Variants in GALNT18 observed in about 807,000 individuals in gnomAD.
GALNT18 encodes GalNAc-transferase 18.
A neutral mutation model predicts 69.5 loss-of-function variants in GALNT18; 44 were observed. The observed-to-expected ratio is 0.63, with a 90% CI of 0.50 to 0.81. The LOEUF (loss-of-function observed/expected upper bound fraction) is 0.81, where lower values mean the gene tolerates loss of function less well. Among genes scored for constraint, GALNT18 ranks in the 40% least tolerant of loss-of-function variants. The probability of loss-of-function intolerance (pLI) is 0.00; values close to 1 mark genes in which losing one functional copy is unlikely to be tolerated. For synonymous variants in GALNT18, 364 were observed against 318.2 expected (o/e 1.14, Z -1.53); for missense variants, 715 against 810.0 (o/e 0.88, Z 1.42).
At chr11:11,502,508 A>G (rs1411626754) in intron 1 of GALNT18, among the ~76,000 whole-genome samples, 1 of 152,252 alleles carries the variant, frequency 6.6e-6, no homozygotes, top group East Asian at 1.9e-4. Flanking sequence ...AGAGAAGGAA[A>G]GTCATTTACA....
chr11:11,320,670 T>C lies in GALNT18; in HGVS notation c.1512+6416A>G, dbSNP rs1011109414. ...GGCTGGAAGATGACTTTGGGAAGCC[T>C]TGCCAGACAGCAGCCCCTTACCTTT... On this transcript the variant is annotated intron_variant, in intron 9 of 10. Transcript: ENST00000227756. The surrounding 1 kb of genome is among the most constrained non-coding windows in gnomAD (Gnocchi z 4.9). Among the ~76,000 whole-genome samples the C allele has an allele frequency of 3.3e-5, 5 of 152,168 alleles. No individual in the cohort carries two copies. The highest frequency in any genetic ancestry group is 2.6e-4 in the Admixed American group (4 of 15,276).
chr11:11,530,997 C>T (rs181221374), intron 1 of GALNT18, among the ~76,000 whole-genome samples: 23 of 152,326 alleles, frequency 1.5e-4, no homozygotes, highest in South Asian at 4.1e-4. Context: ...AACACTGTGA[C>T]GCCATGCCTT....
At chr11:11,567,612 C>T (rs943238057) in intron 1 of GALNT18, among the ~76,000 whole-genome samples, 2 of 152,152 alleles carry the variant, frequency 1.3e-5, no homozygotes, top group Non-Finnish European at 2.9e-5. Context: ...GGCCCCAAAC[C>T]CAGCCAGCCC....
chr11:11,354,758 C>G (rs1341876424), intron 6 of GALNT18, among the ~76,000 whole-genome samples: 1 of 152,138 alleles, frequency 6.6e-6, no homozygotes, highest in African/African-American at 2.4e-5. Context: ...CAAGTGCCTA[C>G]GTCTCACCTT....
chr11:11,577,288 G>A (rs4910387), intron 1 of GALNT18, among the ~76,000 whole-genome samples: 19,635 of 152,078 alleles, frequency 0.13, 1,338 homozygotes, highest in South Asian at 0.18. Context: ...GCAGATGAGC[G>A]GAGACGACCA....
rs999950721 is a variant in GALNT18, at chr11:11,600,596, T to C, written c.235+20763A>G. ...TTTTCTCTCTCTTTAGCTTTCAAAA[T>C]TTCAACTATGATGTGTCTGGATGTG... On this transcript the variant is annotated intron_variant, in intron 1 of 10. Transcript: ENST00000227756. This position sits in a 1 kb window ranked among gnomAD's most constrained non-coding sequence, Gnocchi z 4.8. 7.2e-5 allele frequency among the ~76,000 whole-genome samples: 11 copies of C among 152,126 alleles called. No homozygotes were observed. The highest frequency in any genetic ancestry group is 5.2e-4 in the Admixed American group (8 of 15,284).
At position 11,582,157 on chromosome 11, in the gene GALNT18, G is replaced by A. The variant is rs1859102896; in HGVS notation, c.235+39202C>T. Among the ~76,000 whole-genome samples the A allele has an allele frequency of 1.3e-5, 2 of 152,162 alleles. No individual in the cohort carries two copies. Among genetic ancestry groups the A allele is most frequent in the East Asian group, 3.9e-4 (2 of 5,186 alleles). On this transcript the variant is annotated intron_variant, in intron 1 of 10. Transcript: ENST00000227756. The surrounding 1 kb of genome is among the most constrained non-coding windows in gnomAD (Gnocchi z 5.0). Reference sequence around the variant, plus strand: ...TATGGGGAAGAGGGCTGAACAAAGTGAAGAGGGCATTCCCGAAAGAGGAAA... The same window carrying A: ...TATGGGGAAGAGGGCTGAACAAAGTAAAGAGGGCATTCCCGAAAGAGGAAA...
At position 11,621,420 on chromosome 11, in the gene GALNT18, G is replaced by C; in HGVS notation, c.174C>G (p.Asp58Glu). 6.2e-7 allele frequency: 1 copy of C among 1,614,120 alleles called. No homozygotes were observed. The highest frequency in any genetic ancestry group is 8.5e-7 in the Non-Finnish European group (1 of 1,180,026). The change falls in exon 1 of 11, where the codon GAC (aspartate) becomes GAG (glutamate). Residue 58 changes from aspartate (D) to glutamate (E), a missense_variant. Coordinates refer to ENST00000227756, the MANE Select transcript of GALNT18 (RefSeq NM_198516.3). This position sits in a 1 kb window ranked among gnomAD's most constrained non-coding sequence, Gnocchi z 9.3. Reference sequence around the variant, plus strand: ...CCAGCCGCTCAATAATCTTCAGAGTGTCCCCTTTGTCTTCCTCCAGCTTCT... The same window carrying C: ...CCAGCCGCTCAATAATCTTCAGAGTCTCCCCTTTGTCTTCCTCCAGCTTCT... Reference protein sequence around the residue: ...PDKKLEEDKGDTLKIIERLDH... With the variant: ...PDKKLEEDKGETLKIIERLDH...
At chr11:11,434,400 A>C (rs1855351392) in intron 2 of GALNT18, among the ~76,000 whole-genome samples, 1 of 152,206 alleles carries the variant, frequency 6.6e-6, no homozygotes, top group African/African-American at 2.4e-5. Context: ...TGCTACAGGC[A>C]CTGAGGGTAC....
In GALNT18 at chr11:11,480,379, T is replaced by C. The variant is rs979634672; in HGVS notation, c.236-31443A>G. 3.3e-5 allele frequency among the ~76,000 whole-genome samples: 5 copies of C among 152,184 alleles called. No homozygotes were observed. Among genetic ancestry groups the C allele is most frequent in the Non-Finnish European group, 5.9e-5 (4 of 68,036 alleles). On this transcript the variant is annotated intron_variant, in intron 1 of 10. Coordinates refer to ENST00000227756, the MANE Select transcript of GALNT18 (RefSeq NM_198516.3). This position sits in a 1 kb window ranked among gnomAD's most constrained non-coding sequence, Gnocchi z 4.6. ...TCATTCTGAGTTCTACTCTGTCCCT[T>C]GGATAATGGTGAAATCTATTCATTC...
chr11:11,437,402 G>A, intron 2 of GALNT18, among the ~76,000 whole-genome samples: 1 of 152,180 alleles, frequency 6.6e-6, no homozygotes, highest in Non-Finnish European at 1.5e-5. Context: ...GGTCATGACA[G>A]ACTCCATTCT....
intron 1 of GALNT18, among the ~76,000 whole-genome samples, chr11:11,551,085 CAAAAAA>C (rs36037822): frequency 7.4e-4 from 87 of 117,536 alleles, no homozygotes; most frequent in African/African-American, 2.7e-3. Flanking sequence ...TATACGGTAC[CAAAAAA>C]AAAAAAAAAA....
intron 3 of GALNT18, among the ~76,000 whole-genome samples, chr11:11,409,729 G>T (rs1227715364): frequency 6.6e-6 from 1 of 151,660 alleles, no homozygotes; most frequent in African/African-American, 2.4e-5. Flanking sequence ...TTCTAGCTTT[G>T]TCCCCAAATT....
At chr11:11,280,272 G>A (rs557458252) in intron 10 of GALNT18, among the ~76,000 whole-genome samples, 7 of 152,292 alleles carry the variant, frequency 4.6e-5, no homozygotes, top group Non-Finnish European at 1.0e-4. Context: ...CTCGGCCTCT[G>A]AAAGGGGCCC....
chr11:11,295,201 G>C (rs982043957), intron 9 of GALNT18, among the ~76,000 whole-genome samples: 1 of 152,126 alleles, frequency 6.6e-6, no homozygotes, highest in African/African-American at 2.4e-5. Flanking sequence ...TCTTGGGAGG[G>C]GGTGAAGGGC....
Position 11,339,710 on chromosome 11 carries a change from G to A in GALNT18, c.1278+1109C>T, listed in dbSNP as rs1381818948. On this transcript the variant is annotated intron_variant, in intron 7 of 10. Coordinates refer to ENST00000227756, the MANE Select transcript of GALNT18 (RefSeq NM_198516.3). This position sits in a 1 kb window ranked among gnomAD's most constrained non-coding sequence, Gnocchi z 5.2. Reference sequence around the variant, plus strand: ...TGATATTTCTCCGCTCCTCATTCTTGCTCCCAACTGCTGAAACCTCACTGA... The same window carrying A: ...TGATATTTCTCCGCTCCTCATTCTTACTCCCAACTGCTGAAACCTCACTGA... Among the ~76,000 whole-genome samples, 1 of 152,114 alleles carries A rather than the reference G, an allele frequency of 6.6e-6. No individual in the cohort carries two copies. The highest frequency in any genetic ancestry group is 2.4e-5 in the African/African-American group (1 of 41,418).
chr11:11,547,782 C>A (rs1858095382), intron 1 of GALNT18, among the ~76,000 whole-genome samples: 2 of 152,202 alleles, frequency 1.3e-5, no homozygotes, highest in Admixed American at 6.5e-5. Context: ...CCCTTCCCAG[C>A]CTAAAATTCA....
At position 11,404,558 on chromosome 11, in the gene GALNT18, T is replaced by C. The variant is rs912895681; in HGVS notation, c.596-25294A>G. 1.3e-5 allele frequency among the ~76,000 whole-genome samples: 2 copies of C among 151,882 alleles called. No individual in the cohort carries two copies. Among genetic ancestry groups the C allele is most frequent in the African/African-American group, 4.8e-5 (2 of 41,330 alleles). ...TAAGGAGAGTCACGTGGGAGGAAAA[T>C]GTCTGAGTGTATCTGAACCACGGCT... On this transcript the variant is annotated intron_variant, in intron 3 of 10. Coordinates refer to ENST00000227756, the MANE Select transcript of GALNT18 (RefSeq NM_198516.3). The surrounding 1 kb of genome is among the most constrained non-coding windows in gnomAD (Gnocchi z 4.5).
In GALNT18 at chr11:11,338,290, G is replaced by T. The variant is rs1184548423; in HGVS notation, c.1278+2529C>A. On this transcript the variant is annotated intron_variant, in intron 7 of 10. Transcript: ENST00000227756. This position sits in a 1 kb window ranked among gnomAD's most constrained non-coding sequence, Gnocchi z 5.3. Reference sequence around the variant, plus strand: ...GCCTCATTTAAAGATTTTAAGCAGGGCGATGGCATGGTTGTTGTGAGTGTT... The same window carrying T: ...GCCTCATTTAAAGATTTTAAGCAGGTCGATGGCATGGTTGTTGTGAGTGTT... Among the ~76,000 whole-genome samples the T allele has an allele frequency of 1.3e-5, 2 of 152,140 alleles. No individual in the cohort carries two copies. Among genetic ancestry groups the T allele is most frequent in the African/African-American group, 2.4e-5 (1 of 41,430 alleles).
Sources: allele counts gnomAD v4.1 joint callset (sites outside exome capture counted in the v4.1 genomes callset), GRCh38; gene constraint gnomAD v4.1.1; non-coding constraint Gnocchi (gnomAD v3.1); transcripts MANE v1.5; gene names NCBI Gene and HGNC (gene_info 2026-07-23, HGNC 2026-07-21).